The following CAMTA1 variants were observed in gnomAD, a reference collection of about 807,000 sequenced individuals.
The protein encoded by CAMTA1 is calmodulin binding transcription activator 1.
In CAMTA1, 27 loss-of-function variants were observed where a neutral mutation model predicts 170.9. The observed-to-expected ratio is 0.16, with a 90% CI of 0.12 to 0.22. The LOEUF is 0.22. Ranked by LOEUF, CAMTA1 falls within the 10% of genes least tolerant of loss-of-function variation. The probability of loss-of-function intolerance (pLI) is 1.00; values close to 1 mark genes in which losing one functional copy is unlikely to be tolerated. For missense variants in CAMTA1, 1,619 were observed against 2,217.2 expected (o/e 0.73, Z 5.42); for synonymous variants, 833 against 891.5 (o/e 0.93, Z 1.17).
At chr1:6,787,826 G>C (rs1639858596) in intron 1 of CAMTA1, among the ~76,000 whole-genome samples, 2 of 152,234 alleles carry the variant, frequency 1.3e-5, no homozygotes, top group South Asian at 4.1e-4. Context: ...GGTATTCGTT[G>C]CTTGATTCTG....
chr1:7,091,519 A>G, intron 4 of CAMTA1, 148 bp downstream of exon 4: 2 of 675,464 alleles, frequency 3.0e-6, no homozygotes, highest in Non-Finnish European at 5.4e-6. Flanking sequence ...GGTCTCATTC[A>G]TTGACATAAG....
chr1:7,152,519 C>G (rs1351918297), intron 4 of CAMTA1, among the ~76,000 whole-genome samples: 1 of 152,192 alleles, frequency 6.6e-6, no homozygotes, highest in Non-Finnish European at 1.5e-5. Flanking sequence ...TCTTCCTCCT[C>G]CTGTGTTGAG....
intron 6 of CAMTA1, among the ~76,000 whole-genome samples, chr1:7,559,351 TG>T (rs2094926294): frequency 1.3e-5 from 2 of 152,062 alleles, no homozygotes; most frequent in African/African-American, 4.8e-5. Flanking sequence ...CTGACCCTCC[TG>T]CCTCCTGGCC....
chr1:7,394,149 T>A (rs1359957474), intron 5 of CAMTA1, among the ~76,000 whole-genome samples: 1 of 152,240 alleles, frequency 6.6e-6, no homozygotes, highest in African/African-American at 2.4e-5. Flanking sequence ...TGAATAGTGC[T>A]GCAATAAACA....
chr1:6,858,946 A>T (rs1192116242), intron 3 of CAMTA1, among the ~76,000 whole-genome samples: 1 of 152,236 alleles, frequency 6.6e-6, no homozygotes, highest in Non-Finnish European at 1.5e-5. Flanking sequence ...GGGAACATAC[A>T]AATCATTATG....
At chr1:7,480,261 A>G (rs4908460) in intron 6 of CAMTA1, among the ~76,000 whole-genome samples, 23 of 90,960 alleles carry the variant, frequency 2.5e-4, no homozygotes, top group African/African-American at 1.1e-3. Flanking sequence ...GCATGTGTGT[A>G]TGTGTGTGAG....
chr1:7,701,956 C>A (rs1434610723), intron 11 of CAMTA1, among the ~76,000 whole-genome samples: 2 of 152,168 alleles, frequency 1.3e-5, no homozygotes, highest in Non-Finnish European at 2.9e-5. Context: ...TTTTAGGGCG[C>A]TGGCAGCACT....
chr1:7,661,046 T>C (rs1482923020), intron 7 of CAMTA1, among the ~76,000 whole-genome samples: 2 of 152,296 alleles, frequency 1.3e-5, no homozygotes, highest in African/African-American at 4.8e-5. Context: ...GGGAGGAAGG[T>C]TGAGCCCAGC....
At chr1:7,246,670 C>CTTTTTTTTTTTTTTT (rs34382670) in intron 4 of CAMTA1, among the ~76,000 whole-genome samples, 9 of 73,920 alleles carry the variant, frequency 1.2e-4, no homozygotes, top group East Asian at 4.7e-4. Context: ...CTCTGACCTG[C>CTTTTTTTTTTTTTTT]TTTTTTTTTT....
rs753827057 is a variant in CAMTA1, at chr1:7,333,002, T to C, written c.438+83376T>C. 1.3e-5 allele frequency among the ~76,000 whole-genome samples: 2 copies of C among 152,174 alleles called. No individual in the cohort carries two copies. The highest frequency in any genetic ancestry group is 2.9e-5 in the Non-Finnish European group (2 of 68,038). Reference sequence around the variant, plus strand: ...CACTATGGAGAGTTGGTGGAAGAAGTTGGCTTCCATGAGAGGGGGCAAGTG... The same window carrying C: ...CACTATGGAGAGTTGGTGGAAGAAGCTGGCTTCCATGAGAGGGGGCAAGTG... On this transcript the variant is annotated intron_variant, in intron 5 of 22. Coordinates refer to ENST00000303635, the MANE Select transcript of CAMTA1 (RefSeq NM_015215.4). The surrounding 1 kb of genome is among the most constrained non-coding windows in gnomAD (Gnocchi z 4.4).
At chr1:7,666,059 C>T (rs1228935984) in intron 9 of CAMTA1, among the ~76,000 whole-genome samples, 3 of 151,674 alleles carry the variant, frequency 2.0e-5, no homozygotes, top group Non-Finnish European at 4.4e-5. Flanking sequence ...ATCCCAGCTA[C>T]TCGGGAGGCT....
At position 7,224,928 on chromosome 1, in the gene CAMTA1, C is replaced by A. The variant is rs1661432509; in HGVS notation, c.303-24563C>A. ...ATGAGCTGCATCCTTATTGCCGCAG[C>A]CAGCAGATGGCAGAAAGCGCCTTGA... On this transcript the variant is annotated intron_variant, in intron 4 of 22. Transcript: ENST00000303635. The surrounding 1 kb of genome is among the most constrained non-coding windows in gnomAD (Gnocchi z 5.2). Among the ~76,000 whole-genome samples the A allele has an allele frequency of 6.6e-6, 1 of 152,210 alleles. No individual in the cohort carries two copies.
intron 3 of CAMTA1, among the ~76,000 whole-genome samples, chr1:6,921,403 T>C (rs1371271849): frequency 6.6e-6 from 1 of 152,216 alleles, no homozygotes; most frequent in African/African-American, 2.4e-5. Flanking sequence ...TCAAAGCCAT[T>C]CAGCAAGTCT....
At chr1:7,467,972 C>A in intron 6 of CAMTA1, 71 bp downstream of exon 6, 1 of 1,251,188 alleles carries the variant, frequency 8.0e-7, no homozygotes, top group Non-Finnish European at 1.2e-6. Context: ...GCACTGAGGG[C>A]GCGGGGCTCC....
Position 7,732,603 on chromosome 1 carries a change from C to A in CAMTA1, c.3066+4C>A, listed in dbSNP as rs998071241. 1.3e-6 allele frequency: 2 copies of A among 1,591,040 alleles called. No individual in the cohort carries two copies. The highest frequency in any genetic ancestry group is 2.3e-5 in the East Asian group (1 of 44,398). On this transcript the variant is annotated splice_donor_region_variant and intron_variant, in intron 12 of 22. Transcript: ENST00000303635. The surrounding 1 kb of genome is among the most constrained non-coding windows in gnomAD (Gnocchi z 4.1). ...GAATGGAGGGAGCCAGGCACAGGTA[C>A]GAGGCGGTGCTGATGCTCAGCTCCC...
chr1:7,461,049 G>A (rs1267584116), intron 5 of CAMTA1, among the ~76,000 whole-genome samples: 1 of 152,186 alleles, frequency 6.6e-6, no homozygotes, highest in Non-Finnish European at 1.5e-5. Context: ...GAGGATTATA[G>A]ATGGAGATTT....
intron 4 of CAMTA1, among the ~76,000 whole-genome samples, chr1:7,155,883 T>C (rs936985977): frequency 1.3e-5 from 2 of 152,178 alleles, no homozygotes; most frequent in East Asian, 3.9e-4. Context: ...TGATTTCTAA[T>C]GCATTTCTTC....
chr1:7,219,389 G>A (rs906088763), intron 4 of CAMTA1: 2 of 151,920 alleles, frequency 1.3e-5, no homozygotes, highest in African/African-American at 2.4e-5. Context: ...GATATACCAG[G>A]ATCCTGAAGG....
chr1:7,567,665 T>C (rs965150258), intron 6 of CAMTA1, among the ~76,000 whole-genome samples: 1 of 152,152 alleles, frequency 6.6e-6, no homozygotes, highest in Non-Finnish European at 1.5e-5. Context: ...CTTATGAAAA[T>C]GCACATCCTC....
Sources: gnomAD v4.1 joint callset for allele counts (sites outside exome capture counted in the v4.1 genomes callset) on GRCh38, gnomAD v4.1.1 for gene constraint, Gnocchi (gnomAD v3.1) non-coding constraint, MANE v1.5 for transcripts, NCBI Gene and HGNC (gene_info 2026-07-23, HGNC 2026-07-21) for gene names.